BMPR2: variants seen among roughly 807,000 people sequenced by gnomAD.
BMPR2 encodes the protein bone morphogenetic protein receptor type 2, also known as bone morphogenetic protein receptor type-2.
In BMPR2, 29 loss-of-function variants were observed where a neutral mutation model predicts 100.8. The observed-to-expected ratio is 0.29, with a 90% CI of 0.21 to 0.39. The LOEUF is 0.39. BMPR2 is among the 10% of genes least tolerant of loss of function. BMPR2 has a pLI of 1.00. For missense variants in BMPR2, 1,011 were observed against 1,274.5 expected (o/e 0.79, Z 3.15); for synonymous variants, 382 against 442.3 (o/e 0.86, Z 1.71).
intron 1 of BMPR2, among the ~76,000 whole-genome samples, chr2:202,413,646 A>G (rs1691060955): frequency 6.6e-6 from 1 of 151,870 alleles, no homozygotes; most frequent in Non-Finnish European, 1.5e-5. Context: ...TTCATTATAT[A>G]TTAAAAATGT....
At chr2:202,466,693 C>T (rs1373363782) in intron 2 of BMPR2, among the ~76,000 whole-genome samples, 2 of 151,206 alleles carry the variant, frequency 1.3e-5, no homozygotes, top group African/African-American at 4.9e-5. Context: ...CTCACTGCAA[C>T]CTTGACCTCC....
At chr2:202,378,196 T>G (rs1690194118) in intron 1 of BMPR2, among the ~76,000 whole-genome samples, 1 of 152,366 alleles carries the variant, frequency 6.6e-6, no homozygotes, top group Middle Eastern at 3.4e-3. Flanking sequence ...GACCTGACAT[T>G]AGACTTCTAG....
chr2:202,528,281 G>C (rs1467921580), intron 7 of BMPR2, among the ~76,000 whole-genome samples: 1 of 152,158 alleles, frequency 6.6e-6, no homozygotes, highest in African/African-American at 2.4e-5. Context: ...TCTGCCTCCC[G>C]GCTTCATGCC....
chr2:202,556,352 A>G lies in BMPR2; in HGVS notation c.2687A>G (p.Glu896Gly). 5 of 1,614,202 alleles carry G rather than the reference A, an allele frequency of 3.1e-6. No individual in the cohort carries two copies. Among genetic ancestry groups the G allele is most frequent in the Non-Finnish European group, 4.2e-6 (5 of 1,180,040 alleles). Residue 896 changes from glutamate to glycine, a missense_variant, in exon 12 of 13, where the codon GAA becomes GGA. Physicochemically the swap from Glu to Gly is moderately conservative, Grantham distance 98 (BLOSUM62 -2). Around this residue, in one of 6 missense-constraint regions of BMPR2, gnomAD observed 508 missense variants for 552.0 expected, o/e 0.92. Coordinates refer to ENST00000374580, the MANE Select transcript of BMPR2 (RefSeq NM_001204.7). ...RLVDRRERPL[E>G]GGRTNSNNNN... ...GTGGACAGGAGGGAACGGCCACTAG[A>G]AGGTGGCCGAACTAATTCCAATAAC...
rs1691207733 is a variant in BMPR2 at position 202,419,318 on chromosome 2, T to A, written c.76+41768T>A. The stretch of plus-strand genomic sequence containing the variant: ...ATTTTCTAGGTAGTTTTTAAAAATT[T>A]CTTTTGGGATTTATGTTTATTTTTG... On this transcript the variant is annotated intron_variant, in intron 1 of 12. Transcript: ENST00000374580. Among the ~76,000 whole-genome samples the A allele has an allele frequency of 2.0e-5, 3 of 152,330 alleles. No individual in the cohort carries two copies. The South Asian group carries it at 6.2e-4, about 32-fold the overall frequency.
chr2:202,488,614 G>A (rs955422052), intron 3 of BMPR2, among the ~76,000 whole-genome samples: 5 of 151,906 alleles, frequency 3.3e-5, no homozygotes, highest in African/African-American at 9.7e-5. Context: ...TTAATGTTTT[G>A]TAGAGACAGG....
chr2:202,499,022 G>T (rs1390855609), intron 3 of BMPR2, among the ~76,000 whole-genome samples: 4 of 145,882 alleles, frequency 2.7e-5, no homozygotes, highest in Admixed American at 1.4e-4. Context: ...AATCTCCCCT[G>T]CCCAGAAGGA....
intron 1 of BMPR2, among the ~76,000 whole-genome samples, chr2:202,395,706 C>T (rs1329886201): frequency 2.6e-5 from 4 of 152,124 alleles, no homozygotes; most frequent in East Asian, 3.9e-4. Context: ...GAGGCTGAGG[C>T]GGGTGGATCA....
At chr2:202,404,404 C>G (rs1559027688) in intron 1 of BMPR2, among the ~76,000 whole-genome samples, 1 of 152,088 alleles carries the variant, frequency 6.6e-6, no homozygotes, top group Non-Finnish European at 1.5e-5. Context: ...CCATGTTGGC[C>G]AGGCTGGTCT....
intron 3 of BMPR2, among the ~76,000 whole-genome samples, chr2:202,484,869 T>A (rs535253731): frequency 1.4e-5 from 2 of 144,278 alleles, no homozygotes; most frequent in East Asian, 2.0e-4. Flanking sequence ...CTCGGGAGGC[T>A]GAGGCAGAAG....
chr2:202,474,665 C>T (rs1206724110), intron 3 of BMPR2: 1 of 152,126 alleles, frequency 6.6e-6, no homozygotes, highest in Non-Finnish European at 1.5e-5. Context: ...ACTACAGGCG[C>T]CTGCCACCAC....
At chr2:202,552,952 A>G in intron 11 of BMPR2, 64 bp downstream of exon 11, 1 of 1,586,332 alleles carries the variant, frequency 6.3e-7, no homozygotes, top group Non-Finnish European at 8.7e-7. Context: ...AACAAAGAAT[A>G]GAAAATAAAT....
rs368630854 is a variant in BMPR2, at chr2:202,555,827, A to G, written c.2162A>G (p.Gln721Arg). The G allele has an allele frequency of 4.6e-5, 74 of 1,614,028 alleles. No homozygotes were observed. Among genetic ancestry groups the G allele is most frequent in the Non-Finnish European group, 6.1e-5 (72 of 1,180,040 alleles). ...CTTGCAGTAGAAGCAACTGGACAGC[A>G]GGACTTCACACAGACTGCAAATGGC... The part of the protein sequence containing the change: ...IKLAVEATGQ[Q>R]DFTQTANGQA... The change falls in exon 12 of 13, where the codon CAG becomes CGG. Residue 721 changes from glutamine (Q) to arginine (R), a missense_variant. By Grantham distance (43) the Gln-to-Arg change is conservative (BLOSUM62 1). Coordinates refer to ENST00000374580, the MANE Select transcript of BMPR2 (RefSeq NM_001204.7).
chr2:202,394,169 G>A (rs944951660), intron 1 of BMPR2, among the ~76,000 whole-genome samples: 4 of 152,072 alleles, frequency 2.6e-5, no homozygotes, highest in Non-Finnish European at 5.9e-5. Context: ...GGCCAACATG[G>A]TGAAACCCTT....
chr2:202,431,723 T>C (rs1486892725), intron 1 of BMPR2, among the ~76,000 whole-genome samples: 1 of 150,488 alleles, frequency 6.6e-6, no homozygotes, highest in Non-Finnish European at 1.5e-5. Flanking sequence ...CAATAGACTT[T>C]ATAACCTAGG....
intron 9 of BMPR2, among the ~76,000 whole-genome samples, chr2:202,540,435 A>G (rs60741419): frequency 0.12 from 18,092 of 152,198 alleles, 1,186 homozygotes; most frequent in Admixed American, 0.14. Context: ...TCTCAAGTTC[A>G]ATGTTGATGT....
intron 1 of BMPR2, among the ~76,000 whole-genome samples, chr2:202,437,515 T>C (rs1318961520): frequency 6.6e-6 from 1 of 150,644 alleles, no homozygotes; most frequent in Non-Finnish European, 1.5e-5. Context: ...AATTCAGTGC[T>C]TTTTAGCGTA....
At chr2:202,406,979 C>T (rs1311016108) in intron 1 of BMPR2, among the ~76,000 whole-genome samples, 3 of 151,276 alleles carry the variant, frequency 2.0e-5, no homozygotes. Context: ...CAAACTTACT[C>T]GATTGTCACC....
rs779639954 is a variant in BMPR2 at position 202,555,455 on chromosome 2, G to A, written c.1790G>A (p.Arg597Gln). The change falls in exon 12 of 13, where the codon CGA becomes CAA. Residue 597 changes from arginine to glutamine, a missense_variant. Transcript: ENST00000374580. ...TATGAACGACAGCAAGCACAAGCTC[G>A]AATCCCCAGCCCTGAAACAAGTGTC... The part of the protein sequence containing the change: ...INYERQQAQA[R>Q]IPSPETSVTS... 8 of 1,614,026 alleles carry A rather than the reference G, an allele frequency of 5.0e-6. No homozygotes were observed. The highest frequency in any genetic ancestry group is 6.8e-6 in the Non-Finnish European group (8 of 1,180,002).
Sources: allele counts gnomAD v4.1 joint callset (sites outside exome capture counted in the v4.1 genomes callset), GRCh38; gene constraint gnomAD v4.1.1; regional missense constraint gnomAD v4.1.1; transcripts MANE v1.5; gene names NCBI Gene and HGNC (gene_info 2026-07-23, HGNC 2026-07-21).